Variants in EYA1 observed in about 807,000 individuals in gnomAD.
The protein encoded by EYA1 is EYA transcriptional coactivator and phosphatase 1.
EYA1 carries 16 observed loss-of-function variants against 82.0 expected under a neutral mutation model. That is an observed-to-expected ratio of 0.20 (90% CI 0.13 to 0.30). EYA1 has a LOEUF of 0.30. Among genes scored for constraint, EYA1 ranks in the 10% least tolerant of loss-of-function variants. EYA1 has a pLI of 1.00. For synonymous variants in EYA1, 261 were observed against 264.4 expected, an observed-to-expected ratio of 0.99 and a Z score of 0.12; for missense variants, 633 against 730.7, an observed-to-expected ratio of 0.87 and a Z score of 1.54.
At chr8:71,523,303 C>A (rs1049635537) in intron 2 of EYA1, among the ~76,000 whole-genome samples, 1 of 151,692 alleles carries the variant, frequency 6.6e-6, no homozygotes, top group Admixed American at 6.6e-5. Context: ...CTCAGCCTCC[C>A]GGGTAGCTGG....
chr8:71,205,160 T>C (rs2128815936), intron 17 of EYA1, among the ~76,000 whole-genome samples: 1 of 152,326 alleles, frequency 6.6e-6, no homozygotes. Context: ...AAAATGAACA[T>C]ATTTAATGAC....
chr8:71,395,154 T>G (rs1332103239), intron 2 of EYA1, among the ~76,000 whole-genome samples: 3 of 152,240 alleles, frequency 2.0e-5, no homozygotes, highest in African/African-American at 7.2e-5. Context: ...ACCCTGAGAC[T>G]TTGCCGAAGT....
At chr8:71,536,526 A>G (rs1201042197) in intron 1 of EYA1, among the ~76,000 whole-genome samples, 1 of 152,178 alleles carries the variant, frequency 6.6e-6, no homozygotes, top group African/African-American at 2.4e-5. Context: ...AAATATAGCA[A>G]TTTAAATGCC....
At chr8:71,218,770 C>G (rs1351503469) in intron 12 of EYA1, among the ~76,000 whole-genome samples, 1 of 151,722 alleles carries the variant, frequency 6.6e-6, no homozygotes, top group Non-Finnish European at 1.5e-5. Flanking sequence ...TGATATTTAA[C>G]CAGGAATGTA....
chr8:71,393,756 G>A (rs952810090), intron 2 of EYA1, among the ~76,000 whole-genome samples: 9 of 151,830 alleles, frequency 5.9e-5, no homozygotes, highest in East Asian at 5.8e-4. Context: ...ATAAACATAC[G>A]TGTGCATGTG....
chr8:71,246,717 T>TA (rs371619517), intron 11 of EYA1, among the ~76,000 whole-genome samples: 1 of 152,052 alleles, frequency 6.6e-6, no homozygotes, highest in East Asian at 1.9e-4. Context: ...CATAGACTAA[T>TA]AAAAAAAATC....
chr8:71,489,326 GTTTC>G (rs1461729644), intron 2 of EYA1, among the ~76,000 whole-genome samples: 2 of 150,298 alleles, frequency 1.3e-5, no homozygotes, highest in East Asian at 1.9e-4. Context: ...TCCTACCATA[GTTTC>G]TTTATTATTT....
intron 12 of EYA1, 109 bp downstream of exon 12, chr8:71,244,494 C>G: frequency 1.5e-6 from 1 of 675,222 alleles, no homozygotes; most frequent in Non-Finnish European, 2.7e-6. Flanking sequence ...CAACAAACCT[C>G]TGTCTCACTA....
chr8:71,330,520 T>C (rs576182145), intron 4 of EYA1, among the ~76,000 whole-genome samples: 82 of 152,312 alleles, frequency 5.4e-4, no homozygotes, highest in Non-Finnish European at 1.0e-3. Flanking sequence ...TAGCACTATG[T>C]ACTTGAAAGA....
chr8:71,218,830 G>T (rs558601853), intron 12 of EYA1, among the ~76,000 whole-genome samples: 11 of 151,866 alleles, frequency 7.2e-5, no homozygotes, highest in East Asian at 1.9e-4. Context: ...CGTTGGGGGT[G>T]GGGGGAGAGG....
intron 2 of EYA1, among the ~76,000 whole-genome samples, chr8:71,467,003 C>T (rs1259610230): frequency 1.3e-5 from 2 of 152,092 alleles, no homozygotes; most frequent in East Asian, 3.9e-4. Context: ...TCAGATGAAA[C>T]ACCAGTTGGG....
chr8:71,540,630 A>T (rs188385430), intron 1 of EYA1, among the ~76,000 whole-genome samples: 121 of 152,268 alleles, frequency 7.9e-4, no homozygotes, highest in African/African-American at 2.8e-3. Context: ...TTCATACATG[A>T]CATGTATTTT....
At chr8:71,366,838 C>T (rs1827784569), upstream of EYA1, among the ~76,000 whole-genome samples, 1 of 151,994 alleles carries the variant, frequency 6.6e-6, no homozygotes, top group Non-Finnish European at 1.5e-5. Flanking sequence ...TTAATGTCTC[C>T]TCATTGTATC....
At chr8:71,274,099 A>C (rs947647980) in intron 9 of EYA1, among the ~76,000 whole-genome samples, 1 of 152,220 alleles carries the variant, frequency 6.6e-6, no homozygotes. Flanking sequence ...AAAGAAAATA[A>C]ATTCATTCTG....
At position 71,199,280 on chromosome 8, in the gene EYA1, G is replaced by A; in HGVS notation, c.*60C>T. On this transcript the variant is annotated 3_prime_UTR_variant, in exon 18 of 18. Transcript: ENST00000340726. Reference sequence around the variant, plus strand: ...AGGCCGGCGCTGATGCGAGACTGGGGCCTGCTGGATCTGTCCCTGGTCACA... The same window carrying A: ...AGGCCGGCGCTGATGCGAGACTGGGACCTGCTGGATCTGTCCCTGGTCACA... 8.0e-7 allele frequency: 1 copy of A among 1,255,676 alleles called. No individual in the cohort carries two copies. The highest frequency in any genetic ancestry group is 1.1e-6 in the Non-Finnish European group (1 of 873,148). 77.8% of individuals were successfully genotyped at this position (1,255,676 alleles called of 1,614,324 possible).
At chr8:71,385,475 T>C (rs899786957) in intron 2 of EYA1, among the ~76,000 whole-genome samples, 9 of 152,172 alleles carry the variant, frequency 5.9e-5, no homozygotes, top group African/African-American at 2.2e-4. Flanking sequence ...TTTTTATCTG[T>C]TACAACTATC....
At chr8:71,349,110 G>A (rs1826043458) in intron 3 of EYA1, among the ~76,000 whole-genome samples, 1 of 152,162 alleles carries the variant, frequency 6.6e-6, no homozygotes. Flanking sequence ...TAAGTCTAAG[G>A]ATTTGAAAAC....
intron 11 of EYA1, among the ~76,000 whole-genome samples, chr8:71,266,612 C>T (rs1294149799): frequency 6.6e-6 from 1 of 152,072 alleles, no homozygotes; most frequent in Admixed American, 6.5e-5. Context: ...AAGGAAGGTG[C>T]TCAAAAAATG....
At chr8:71,398,091 T>G (rs1829735809) in intron 2 of EYA1, among the ~76,000 whole-genome samples, 1 of 152,172 alleles carries the variant, frequency 6.6e-6, no homozygotes, top group African/African-American at 2.4e-5. Context: ...CTTGTACTTA[T>G]GCTTGTGCAT....
Sources: gnomAD v4.1 joint callset for allele counts (sites outside exome capture counted in the v4.1 genomes callset) on GRCh38, gnomAD v4.1.1 for gene constraint, MANE v1.5 for transcripts, NCBI Gene and HGNC (gene_info 2026-07-23, HGNC 2026-07-21) for gene names.